DMD: variants seen among roughly 807,000 people sequenced by gnomAD.
The protein encoded by DMD is dystrophin, also known as mutant dystrophin.
Under a neutral mutation model 330.1 loss-of-function variants are expected in DMD, and 63 were observed. That is an observed-to-expected ratio of 0.19 (90% CI 0.16 to 0.24). The LOEUF is 0.24. Ranked by LOEUF, DMD falls within the 10% of genes least tolerant of loss-of-function variation. The pLI, the probability that DMD is intolerant of heterozygous loss-of-function variation, is 1.00. For missense variants in DMD, 3,344 were observed against 2,684.1 expected (o/e 1.25, Z -5.43); for synonymous variants, 1,223 against 959.8 (o/e 1.27, Z -5.07).
rs1207828482 is a variant in DMD at position 32,365,131 on chromosome X, C to A, written c.4914G>T (p.Leu1638Phe). ...LKSITEVGEA[L>F]KTVLGKKETL... is the part of the protein sequence containing the mutation. Reference sequence around the variant, plus strand: ...TCTCCTTCTTGCCCAAAACTGTTTTCAAGGCCTCTCCTACCTCTGTGATAC... The same window carrying A: ...TCTCCTTCTTGCCCAAAACTGTTTTAAAGGCCTCTCCTACCTCTGTGATAC... Residue 1638 changes from leucine (L) to phenylalanine (F), a missense_variant, in exon 35 of 79, where the codon TTG becomes TTT. Coordinates refer to ENST00000357033, the MANE Select transcript of DMD (RefSeq NM_004006.3). The A allele has an allele frequency of 8.3e-7, 1 of 1,210,843 alleles. No homozygotes were observed. Among genetic ancestry groups the A allele is most frequent in the East Asian group, 3.0e-5 (1 of 33,772 alleles).
chrX:31,508,243 G>T, intron 55 of DMD: 2 of 1,207,094 alleles, frequency 1.7e-6, no homozygotes, highest in Middle Eastern at 2.3e-4. Context: ...AACATTTTCA[G>T]CTTGAACCGG....
chrX:32,467,133 T>G (rs1252511076), intron 23 of DMD, among the ~76,000 whole-genome samples: 1 of 112,282 alleles, frequency 8.9e-6, no homozygotes, highest in Non-Finnish European at 1.9e-5. Context: ...TGCTATGCAT[T>G]AAAAAATGTT....
intron 44 of DMD, among the ~76,000 whole-genome samples, chrX:32,137,251 G>A (rs947581463): frequency 9.0e-6 from 1 of 111,185 alleles, no homozygotes; most frequent in Non-Finnish European, 1.9e-5. Context: ...CCACATAGTT[G>A]GTGCCTCCTT....
chrX:31,461,322 A>T (rs1364666095), intron 59 of DMD, among the ~76,000 whole-genome samples: 1 of 112,118 alleles, frequency 8.9e-6, no homozygotes, highest in Admixed American at 9.5e-5. Flanking sequence ...AACCAGCAGC[A>T]TCATGAACAC....
At chrX:32,403,212 T>C (rs1175741757) in intron 30 of DMD, among the ~76,000 whole-genome samples, 2 of 112,140 alleles carry the variant, frequency 1.8e-5, no homozygotes, top group Non-Finnish European at 3.8e-5. Flanking sequence ...TCGATAAATT[T>C]TCTGTGTGCT....
chrX:31,261,058 G>A, intron 62 of DMD, 42 bp from the exon 63 acceptor site: 2 of 1,095,284 alleles, frequency 1.8e-6, no homozygotes, highest in Non-Finnish European at 2.5e-6. Flanking sequence ...CATTTACAAT[G>A]AGTAGTCAAG....
chrX:31,679,289 T>G lies in DMD; in HGVS notation c.7872+86A>C, dbSNP rs113946885. 6.0e-5 allele frequency: 50 copies of G among 833,928 alleles called. 1 individual carries two copies. The highest frequency in any genetic ancestry group is 3.2e-4 in the African/African-American group (16 of 49,417). The allele number at this position is 833,928 out of a possible 1,213,427, so 68.7% of individuals were successfully genotyped here. A position where few individuals can be genotyped will look rare whatever the true frequency, so the allele number is the denominator to read the frequency against. ...GTGATTTTCTGTTAATAACTTTACA[T>G]TAAACATCATTAAATTACAATCTAT... is the stretch of plus-strand genomic sequence containing the variant. On this transcript the variant is annotated intron_variant, in intron 53 of 78. Coordinates refer to ENST00000357033, the MANE Select transcript of DMD (RefSeq NM_004006.3).
intron 53 of DMD, among the ~76,000 whole-genome samples, chrX:31,665,351 C>A: frequency 9.0e-6 from 1 of 111,184 alleles, no homozygotes; most frequent in South Asian, 3.8e-4. Flanking sequence ...CAATTTGGTC[C>A]CAAGAATGAA....
chrX:32,673,174 TA>T (rs2061739498), intron 9 of DMD, among the ~76,000 whole-genome samples: 2 of 111,091 alleles, frequency 1.8e-5, no homozygotes, highest in Non-Finnish European at 3.8e-5. Flanking sequence ...TGTTGAAAGT[TA>T]ATAGATCCTA....
intron 55 of DMD, among the ~76,000 whole-genome samples, chrX:31,618,375 G>A (rs777891357): frequency 1.8e-5 from 2 of 111,757 alleles, no homozygotes; most frequent in Non-Finnish European, 3.8e-5. Context: ...AACAAAATAT[G>A]AGTAGATTTC....
intron 44 of DMD, among the ~76,000 whole-genome samples, chrX:32,173,216 C>T (rs2096894474): frequency 9.2e-6 from 1 of 108,998 alleles, no homozygotes. Flanking sequence ...AAAAATCACT[C>T]CTCATGAGTA....
chrX:33,128,062 C>CCTT, intron 1 of DMD: 1 of 1,173,982 alleles, frequency 8.5e-7, no homozygotes, highest in Non-Finnish European at 1.1e-6. Context: ...AAAAGAGTCA[C>CCTT]CTTTAGGGAA....
chrX:32,326,776 G>A (rs186896801), intron 41 of DMD, among the ~76,000 whole-genome samples: 2,394 of 109,564 alleles, frequency 0.022, 68 homozygotes, highest in African/African-American at 0.075. Flanking sequence ...GCGTGATGGC[G>A]GTTGCCTGTA....
chrX:33,290,612 C>T (rs1309472324), intron 1 of DMD, among the ~76,000 whole-genome samples: 1 of 111,086 alleles, frequency 9.0e-6, no homozygotes, highest in Non-Finnish European at 1.9e-5. Flanking sequence ...TACATGCATG[C>T]TATACAAGCC....
At chrX:32,310,360 TACAGCTG>T in intron 41 of DMD, 84 bp from the exon 42 acceptor site, 1 of 772,794 alleles carries the variant, frequency 1.3e-6, no homozygotes, top group Non-Finnish European at 1.9e-6. Context: ...GGTCTCATTC[TACAGCTG>T]ACAATTGAAT....
At chrX:32,107,338 ATGTGTGTGTGTGTGTGTG>A (rs34502564) in intron 44 of DMD, among the ~76,000 whole-genome samples, 1 of 89,136 alleles carries the variant, frequency 1.1e-5, no homozygotes, top group Non-Finnish European at 2.2e-5. Flanking sequence ...ATATAATTAT[ATGTGTGTGTGTGTGTGTG>A]TGTGTGTGTG....
intron 47 of DMD, among the ~76,000 whole-genome samples, chrX:31,881,537 A>T (rs1239396621): frequency 1.8e-5 from 2 of 112,141 alleles, no homozygotes; most frequent in Non-Finnish European, 3.8e-5. Flanking sequence ...TCACCGACTC[A>T]CCCAGAGCAA....
chrX:32,336,323 A>C (rs2097715498), intron 41 of DMD, among the ~76,000 whole-genome samples: 1 of 111,803 alleles, frequency 8.9e-6, no homozygotes, highest in African/African-American at 3.3e-5. Flanking sequence ...GCCAAGGACT[A>C]TTTTAAATAA....
chrX:32,232,859 G>C (rs1266750503), intron 43 of DMD, among the ~76,000 whole-genome samples: 2 of 111,613 alleles, frequency 1.8e-5, no homozygotes, highest in Non-Finnish European at 3.8e-5. Flanking sequence ...AGTAAATATA[G>C]CTGCCGTAGA....
Sources: gnomAD v4.1 joint callset for allele counts (sites outside exome capture counted in the v4.1 genomes callset) on GRCh38, gnomAD v4.1.1 for gene constraint, MANE v1.5 for transcripts, NCBI Gene and HGNC (gene_info 2026-07-23, HGNC 2026-07-21) for gene names.